Variants in POFUT3 observed in about 807,000 individuals in gnomAD.
POFUT3 encodes the protein protein O-fucosyltransferase 3, also known as GDP-fucose protein O-fucosyltransferase 3.
the POFUT3 span, among the ~76,000 whole-genome samples, chr8:33,418,826 T>A: frequency 6.6e-6 from 1 of 152,196 alleles, no homozygotes; most frequent in South Asian, 2.1e-4. Flanking sequence ...GGAATCAATC[T>A]AAGTGTCCAA....
chr8:33,398,080 C>T, the POFUT3 span, among the ~76,000 whole-genome samples: 3 of 152,090 alleles, frequency 2.0e-5, no homozygotes, highest in Non-Finnish European at 2.9e-5. Context: ...AACAAAAATG[C>T]AAATGGCCAT....
At chr8:33,380,059 TATAC>T in the POFUT3 span, among the ~76,000 whole-genome samples, 13 of 78,630 alleles carry the variant, frequency 1.7e-4, 1 homozygote, top group African/African-American at 6.2e-4. Flanking sequence ...ACACTATATA[TATAC>T]ACTATATATA....
At chr8:33,427,248 C>T in the POFUT3 span, among the ~76,000 whole-genome samples, 1 of 152,114 alleles carries the variant, frequency 6.6e-6, no homozygotes, top group African/African-American at 2.4e-5. Flanking sequence ...TCAAGAACAG[C>T]CTGGACAACA....
the POFUT3 span, among the ~76,000 whole-genome samples, chr8:33,458,451 A>C: frequency 3.9e-5 from 6 of 152,180 alleles, no homozygotes; most frequent in Admixed American, 3.3e-4. Context: ...CTGGTGGCTC[A>C]CGCCTGTAAT....
the POFUT3 span, among the ~76,000 whole-genome samples, chr8:33,369,678 C>G: frequency 6.6e-6 from 1 of 152,096 alleles, no homozygotes; most frequent in African/African-American, 2.4e-5. Context: ...TGAATTCATA[C>G]AGTCTTTTAT....
the POFUT3 span, chr8:33,372,263 C>T: frequency 4.2e-5 from 45 of 1,071,476 alleles, no homozygotes; most frequent in Non-Finnish European, 7.9e-6. Flanking sequence ...CGTCTCCCTC[C>T]ATTGCACAAG....
chr8:33,433,502 C>T, the POFUT3 span, among the ~76,000 whole-genome samples: 1 of 151,970 alleles, frequency 6.6e-6, no homozygotes, highest in African/African-American at 2.4e-5. Context: ...GTCCCAGCTA[C>T]TCAGGAGGCT....
chr8:33,372,208 T>C, the POFUT3 span: 89 of 1,004,482 alleles, frequency 8.9e-5, no homozygotes, highest in African/African-American at 1.4e-3. Flanking sequence ...CAAATACCAA[T>C]AAGCTGTTGA....
the POFUT3 span, among the ~76,000 whole-genome samples, chr8:33,312,048 G>A: frequency 1.3e-5 from 2 of 152,080 alleles, no homozygotes; most frequent in East Asian, 3.9e-4. Flanking sequence ...GATCACTTGA[G>A]GTTGGGAGTT....
At chr8:33,334,393 T>C in the POFUT3 span, among the ~76,000 whole-genome samples, 1 of 152,140 alleles carries the variant, frequency 6.6e-6, no homozygotes, top group Non-Finnish European at 1.5e-5. Flanking sequence ...AAGTTTTGTA[T>C]TTTTAGTAGA....
chr8:33,322,017 T>G, the POFUT3 span, among the ~76,000 whole-genome samples: 1 of 152,094 alleles, frequency 6.6e-6, no homozygotes, highest in Non-Finnish European at 1.5e-5. Context: ...ATACCCAGCA[T>G]AGTACACCAC....
At chr8:33,372,113 C>T in the POFUT3 span, 6 of 979,822 alleles carry the variant, frequency 6.1e-6, no homozygotes, top group Non-Finnish European at 7.3e-6. Context: ...TCACTTACAT[C>T]CCTGGAAACC....
chr8:33,317,985 T>A, the POFUT3 span, among the ~76,000 whole-genome samples: 8 of 152,250 alleles, frequency 5.3e-5, no homozygotes, highest in African/African-American at 1.9e-4. Context: ...GCAATATACT[T>A]TCAAACAAAT....
At chr8:33,369,452 A>G in the POFUT3 span, among the ~76,000 whole-genome samples, 36 of 152,374 alleles carry the variant, frequency 2.4e-4, no homozygotes, top group African/African-American at 8.2e-4. Flanking sequence ...ATTAAAAGAA[A>G]GAAATTTCCT....
chr8:33,401,419 C>T, the POFUT3 span, among the ~76,000 whole-genome samples: 1 of 152,198 alleles, frequency 6.6e-6, no homozygotes, highest in East Asian at 1.9e-4. Flanking sequence ...TACTACACCA[C>T]TGCCGCTGCC....
chr8:33,344,642 C>T, the POFUT3 span, among the ~76,000 whole-genome samples: 4 of 152,302 alleles, frequency 2.6e-5, no homozygotes, highest in East Asian at 3.9e-4. Flanking sequence ...TGATCTTCTT[C>T]CTTCACTTGC....
the POFUT3 span, among the ~76,000 whole-genome samples, chr8:33,405,991 C>T: frequency 3.3e-5 from 5 of 152,116 alleles, no homozygotes; most frequent in East Asian, 1.9e-4. Flanking sequence ...GTTAGTAGTA[C>T]GTAGTAAATT....
the POFUT3 span, among the ~76,000 whole-genome samples, chr8:33,342,438 A>C: frequency 4.1e-3 from 625 of 151,964 alleles, 4 homozygotes; most frequent in African/African-American, 0.014. Context: ...TAGTATTAGA[A>C]TATATAAAGA....
chr8:33,388,521 G>A, the POFUT3 span, among the ~76,000 whole-genome samples: 1 of 151,858 alleles, frequency 6.6e-6, no homozygotes, highest in African/African-American at 2.4e-5. Flanking sequence ...ATTTTTAGTA[G>A]AGATGGGGTT....
Sources: allele counts gnomAD v4.1 joint callset (sites outside exome capture counted in the v4.1 genomes callset), GRCh38; gene constraint gnomAD v4.1.1; transcripts MANE v1.5; gene names NCBI Gene and HGNC (gene_info 2026-07-23, HGNC 2026-07-21).